ANO3: variants seen among roughly 807,000 people sequenced by gnomAD.
ANO3 encodes the protein anoctamin-3.
A neutral mutation model predicts 144.8 loss-of-function variants in ANO3; 99 were observed. The observed-to-expected ratio is 0.68, with a 90% CI of 0.58 to 0.81. ANO3 has a LOEUF of 0.81. Among genes scored for constraint, ANO3 ranks in the 30% least tolerant of loss-of-function variants. The probability of loss-of-function intolerance (pLI) is 0.00; values close to 1 mark genes in which losing one functional copy is unlikely to be tolerated. For missense variants in ANO3, 905 were observed against 1,202.2 expected, an observed-to-expected ratio of 0.75 and a Z score of 3.66; for synonymous variants, 414 against 392.6, an observed-to-expected ratio of 1.05 and a Z score of -0.64.
intron 14 of ANO3, among the ~76,000 whole-genome samples, chr11:26,564,409 G>A (rs1850432926): frequency 7.5e-6 from 1 of 133,880 alleles, no homozygotes; most frequent in African/African-American, 2.8e-5. Flanking sequence ...CTGGAAGTGA[G>A]TTCTTGGAGG....
chr11:26,642,540 TG>T (rs1853201043), intron 22 of ANO3, among the ~76,000 whole-genome samples: 1 of 144,354 alleles, frequency 6.9e-6, no homozygotes, highest in South Asian at 2.4e-4. Flanking sequence ...TTAGTAGAGA[TG>T]GAGTTTCACC....
chr11:26,590,969 G>A (rs76972269), intron 14 of ANO3, among the ~76,000 whole-genome samples: 4,716 of 152,210 alleles, frequency 0.031, 275 homozygotes, highest in East Asian at 0.28. Context: ...CGAATGCCTA[G>A]GGTTTATATC....
chr11:26,475,559 C>A (rs2134077989), intron 4 of ANO3, among the ~76,000 whole-genome samples: 1 of 151,850 alleles, frequency 6.6e-6, no homozygotes, highest in Admixed American at 6.6e-5. Flanking sequence ...GAAATACAAA[C>A]TGCAATTTTC....
rs937045373 is a variant in ANO3, at chr11:26,658,705, A to G, written c.2764-1557A>G. ...CAAATGTTTTGAATTTTATTCCTAT[A>G]CCCTTGAGGCACATTCCTGGATATT... is the stretch of plus-strand genomic sequence containing the variant. On this transcript the variant is annotated intron_variant, in intron 26 of 26. Transcript: ENST00000256737. Among the ~76,000 whole-genome samples the G allele has an allele frequency of 3.3e-5, 5 of 152,096 alleles. No individual in the cohort carries two copies. The South Asian group carries it at 1.0e-3, about 32-fold the overall frequency.
At chr11:26,539,949 A>G (rs1018966193) in intron 10 of ANO3, among the ~76,000 whole-genome samples, 2 of 152,108 alleles carry the variant, frequency 1.3e-5, no homozygotes, top group African/African-American at 4.8e-5. Flanking sequence ...AGAGCCATAC[A>G]TTGGAGTGAG....
chr11:26,651,935 G>A (rs1853546409), intron 24 of ANO3, among the ~76,000 whole-genome samples: 1 of 152,106 alleles, frequency 6.6e-6, no homozygotes, highest in Admixed American at 6.5e-5. Flanking sequence ...CTAAAGCATT[G>A]GTCATAATAA....
intron 21 of ANO3, among the ~76,000 whole-genome samples, chr11:26,640,199 A>C (rs1210443698): frequency 7.7e-6 from 1 of 129,426 alleles, no homozygotes; most frequent in Admixed American, 7.3e-5. Flanking sequence ...TCCTTGCTAA[A>C]TTTGCTTAAT....
At chr11:26,598,672 T>C (rs1401883460) in intron 15 of ANO3, among the ~76,000 whole-genome samples, 186 bp from the exon 16 acceptor site, 1 of 152,216 alleles carries the variant, frequency 6.6e-6, no homozygotes, top group African/African-American at 2.4e-5. Context: ...AGTGGAAAAT[T>C]ATGCTAATTT....
intron 15 of ANO3, 34 bp downstream of exon 15, chr11:26,598,481 T>C (rs752961231): frequency 1.4e-6 from 2 of 1,443,266 alleles, no homozygotes; most frequent in Non-Finnish European, 1.9e-6. Context: ...ATAGGGAAAC[T>C]GGGCTATTAC....
At chr11:26,205,792 C>A (rs1189920076) in intron 1 of ANO3, among the ~76,000 whole-genome samples, 1 of 152,192 alleles carries the variant, frequency 6.6e-6, no homozygotes, top group African/African-American at 2.4e-5. Context: ...CAAGCTTAGG[C>A]ATTGTCTAAG....
At chr11:26,449,901 C>T (rs1408118602) in intron 3 of ANO3, among the ~76,000 whole-genome samples, 1 of 151,950 alleles carries the variant, frequency 6.6e-6, no homozygotes, top group African/African-American at 2.4e-5. Context: ...ATTACAGGTG[C>T]CTACCACCAC....
chr11:26,391,898 G>A (rs769635739), intron 1 of ANO3, among the ~76,000 whole-genome samples: 1 of 152,096 alleles, frequency 6.6e-6, no homozygotes, highest in East Asian at 1.9e-4. Context: ...TTATTCCATC[G>A]TTAAAGCTTT....
intron 14 of ANO3, among the ~76,000 whole-genome samples, chr11:26,595,457 G>GTT (rs1411703035): frequency 0.012 from 828 of 67,744 alleles, 66 homozygotes; most frequent in East Asian, 0.11. Context: ...TTGAGATAGA[G>GTT]TTGTTTTTTT....
chr11:26,612,515 G>A lies in ANO3; in HGVS notation c.1837-11947G>A, dbSNP rs529029279. Reference sequence around the variant, plus strand: ...ATTTGAATTTAAACCTTTCATACTAGATGATTGAAAGTTTACATAGCACCG... The same window carrying A: ...ATTTGAATTTAAACCTTTCATACTAAATGATTGAAAGTTTACATAGCACCG... On this transcript the variant is annotated intron_variant, in intron 17 of 26. Coordinates refer to ENST00000256737, the MANE Select transcript of ANO3 (RefSeq NM_031418.4). 2.0e-5 allele frequency among the ~76,000 whole-genome samples: 3 copies of A among 149,096 alleles called. No homozygotes were observed. The South Asian group carries it at 6.5e-4, about 32-fold the overall frequency.
chr11:26,432,506 G>T (rs938110888), intron 1 of ANO3, among the ~76,000 whole-genome samples: 1 of 152,106 alleles, frequency 6.6e-6, no homozygotes, highest in Non-Finnish European at 1.5e-5. Context: ...TATTGGCTAG[G>T]TCGTCTTTCA....
intron 1 of ANO3, among the ~76,000 whole-genome samples, chr11:26,363,904 C>T (rs886896662): frequency 1.3e-5 from 2 of 151,674 alleles, no homozygotes; most frequent in Non-Finnish European, 2.9e-5. Flanking sequence ...CTTTTGAGAA[C>T]ATAAAAGATT....
chr11:26,609,846 C>T (rs1478704847), intron 17 of ANO3, among the ~76,000 whole-genome samples: 1 of 152,174 alleles, frequency 6.6e-6, no homozygotes, highest in Non-Finnish European at 1.5e-5. Context: ...TACTAATTTA[C>T]AATTCCACCA....
chr11:26,408,275 C>G lies in ANO3; in HGVS notation c.47-33643C>G, dbSNP rs1197748134. On this transcript the variant is annotated intron_variant, in intron 1 of 26. Transcript: ENST00000256737. Reference sequence around the variant, plus strand: ...TCTACAATGAACTCAAACAAATTTACAAGAAAAAAACAAACAACCCCATCA... The same window carrying G: ...TCTACAATGAACTCAAACAAATTTAGAAGAAAAAAACAAACAACCCCATCA... 2.6e-4 allele frequency among the ~76,000 whole-genome samples: 40 copies of G among 151,328 alleles called. 5 individuals carry two copies. The highest frequency in any genetic ancestry group is 2.2e-3 in the Admixed American group (33 of 15,150).
At chr11:26,653,782 G>A (rs1396878485) in intron 24 of ANO3, among the ~76,000 whole-genome samples, 1 of 151,692 alleles carries the variant, frequency 6.6e-6, no homozygotes, top group East Asian at 1.9e-4. Flanking sequence ...TCCTAAAAAA[G>A]TCTACCCTAA....
Sources: allele counts gnomAD v4.1 joint callset (sites outside exome capture counted in the v4.1 genomes callset), GRCh38; gene constraint gnomAD v4.1.1; transcripts MANE v1.5; gene names NCBI Gene and HGNC (gene_info 2026-07-23, HGNC 2026-07-21).